The following RPF2 variants were observed in gnomAD, a reference collection of about 807,000 sequenced individuals.
The protein encoded by RPF2 is ribosome production factor 2 homolog, also known as brix domain containing 1.
In RPF2, 21 loss-of-function variants were observed where a neutral mutation model predicts 38.9. That is an observed-to-expected ratio of 0.54 (90% CI 0.38 to 0.78). RPF2 has a LOEUF of 0.78. Among genes scored for constraint, RPF2 ranks in the 30% least tolerant of loss-of-function variants. The pLI is 0.00. For synonymous variants in RPF2, 121 were observed against 126.2 expected (o/e 0.96, Z 0.28); for missense variants, 314 against 358.1 (o/e 0.88, Z 0.99).
At chr6:111,021,141 C>A (rs949888993) in intron 8 of RPF2, among the ~76,000 whole-genome samples, 4 of 152,012 alleles carry the variant, frequency 2.6e-5, no homozygotes, top group Admixed American at 1.3e-4. Flanking sequence ...AGCACTCCGG[C>A]CTGGTGACAG....
intron 8 of RPF2, among the ~76,000 whole-genome samples, chr6:111,020,314 C>G (rs993305968): frequency 3.9e-5 from 6 of 152,160 alleles, no homozygotes; most frequent in Non-Finnish European, 8.8e-5. Flanking sequence ...CTCCCGCATT[C>G]AAGCGATTCT....
chr6:110,986,395 A>C (rs1303807398), intron 2 of RPF2, among the ~76,000 whole-genome samples: 1 of 152,168 alleles, frequency 6.6e-6, no homozygotes, highest in Non-Finnish European at 1.5e-5. Flanking sequence ...GACCAGAAAG[A>C]ATAGATGTTG....
chr6:110,984,394 C>T (rs11153267), intron 1 of RPF2, among the ~76,000 whole-genome samples: 31,783 of 151,770 alleles, frequency 0.21, 3,615 homozygotes, highest in African/African-American at 0.31. Context: ...ACAGTATTTA[C>T]TTGAGCCTTT....
intron 3 of RPF2, 103 bp downstream of exon 3, chr6:110,989,168 T>C (rs1224862193): frequency 2.7e-5 from 31 of 1,134,248 alleles, no homozygotes; most frequent in East Asian, 1.7e-4. Flanking sequence ...TAAAAAGATA[T>C]TAAAATTCCT....
intron 7 of RPF2, among the ~76,000 whole-genome samples, chr6:111,010,554 C>T (rs7752327): frequency 0.13 from 19,639 of 152,216 alleles, 1,750 homozygotes; most frequent in East Asian, 0.5. Context: ...GGTCCTATTT[C>T]ACCTTAGTGT....
intron 1 of RPF2, 186 bp downstream of exon 1, chr6:110,982,315 C>G: frequency 1.5e-6 from 1 of 647,362 alleles, no homozygotes; most frequent in African/African-American, 1.8e-5. Flanking sequence ...GGGAAGCTCT[C>G]AAGTGGGAGC....
intron 7 of RPF2, among the ~76,000 whole-genome samples, chr6:111,011,325 A>G (rs1398516921): frequency 7.2e-6 from 1 of 139,058 alleles, no homozygotes; most frequent in African/African-American, 2.7e-5. Flanking sequence ...TTTTTGAGAC[A>G]TAGTCTCACT....
intron 7 of RPF2, among the ~76,000 whole-genome samples, chr6:111,013,232 A>AC (rs1355835663): frequency 6.6e-6 from 1 of 152,192 alleles, no homozygotes; most frequent in Non-Finnish European, 1.5e-5. Flanking sequence ...GCTATATGTC[A>AC]TTTATCACTT....
intron 5 of RPF2, among the ~76,000 whole-genome samples, chr6:110,997,806 T>A (rs6910872): frequency 0.091 from 13,785 of 152,044 alleles, 698 homozygotes; most frequent in Middle Eastern, 0.13. Context: ...GAGAGATTCA[T>A]GTGTGCTGTT....
At chr6:111,025,323 A>G (rs1772304413) in intron 9 of RPF2, 80 bp from the exon 10 acceptor site, 1 of 926,440 alleles carries the variant, frequency 1.1e-6, no homozygotes, top group Non-Finnish European at 1.7e-6. Context: ...ATTGCTACTA[A>G]GATAGTTGTT....
At chr6:111,024,670 G>A (rs62421866) in intron 9 of RPF2, among the ~76,000 whole-genome samples, 15 of 145,698 alleles carry the variant, frequency 1.0e-4, no homozygotes, top group South Asian at 2.2e-4. Context: ...CAGAGATCAC[G>A]CCATTGCACT....
chr6:111,026,518 T>G lies in RPF2; in HGVS notation c.*936T>G, dbSNP rs1402937331. ...GCACCTGGCAGAAAAGAAGTTTTGA[T>G]AGGGGCAGAAATGAAAAAGGAGAAA... is the stretch of plus-strand genomic sequence containing the variant. On this transcript the variant is annotated 3_prime_UTR_variant, in exon 10 of 10. Transcript: ENST00000441448. 6.6e-6 allele frequency: 1 copy of G among 152,200 alleles called. No individual in the cohort carries two copies. Among genetic ancestry groups the G allele is most frequent in the Non-Finnish European group, 1.5e-5 (1 of 68,100 alleles). The allele number at this position is 152,200 out of a possible 1,614,324, so 9.4% of individuals were successfully genotyped here. A position where few individuals can be genotyped will look rare whatever the true frequency, so the allele number is the denominator to read the frequency against.
At chr6:111,019,740 A>G (rs969505672) in intron 8 of RPF2, among the ~76,000 whole-genome samples, 4 of 152,096 alleles carry the variant, frequency 2.6e-5, no homozygotes, top group African/African-American at 9.7e-5. Context: ...ATAAAGTAAT[A>G]AAATAAAATA....
chr6:111,019,748 A>G (rs1772196182), intron 8 of RPF2, among the ~76,000 whole-genome samples: 1 of 152,140 alleles, frequency 6.6e-6, no homozygotes, highest in Non-Finnish European at 1.5e-5. Flanking sequence ...ATAAAATAAA[A>G]TAAAAATTGT....
chr6:111,015,728 G>T, intron 7 of RPF2, 26 bp from the exon 8 acceptor site: 3 of 1,467,230 alleles, frequency 2.0e-6, no homozygotes, highest in Non-Finnish European at 2.9e-6. Flanking sequence ...GTTTTGTTTT[G>T]TTAATAATTT....
intron 6 of RPF2, among the ~76,000 whole-genome samples, chr6:111,004,616 G>A (rs1019908557): frequency 6.6e-6 from 1 of 151,368 alleles, no homozygotes; most frequent in Non-Finnish European, 1.5e-5. Flanking sequence ...TGCTATCTCA[G>A]CTCACTGCAA....
At chr6:111,017,631 G>A (rs1390531298) in intron 8 of RPF2, among the ~76,000 whole-genome samples, 2 of 150,504 alleles carry the variant, frequency 1.3e-5, no homozygotes, top group African/African-American at 2.5e-5. Flanking sequence ...CAGGGCAGAG[G>A]CGCTCCCCAC....
chr6:111,008,321 T>A (rs1287784865), intron 7 of RPF2, among the ~76,000 whole-genome samples, 184 bp downstream of exon 7: 1 of 152,130 alleles, frequency 6.6e-6, no homozygotes. Flanking sequence ...GCAGGGACCA[T>A]GCTAATCTTC....
intron 4 of RPF2, 89 bp from the exon 5 acceptor site, chr6:110,997,094 C>A: frequency 1.2e-6 from 1 of 808,316 alleles, no homozygotes. Context: ...AGCCACCGTG[C>A]CTGGCCTGAA....
Sources: gnomAD v4.1 joint callset for allele counts (sites outside exome capture counted in the v4.1 genomes callset) on GRCh38, gnomAD v4.1.1 for gene constraint, MANE v1.5 for transcripts, NCBI Gene and HGNC (gene_info 2026-07-23, HGNC 2026-07-21) for gene names.